Variants in ZNF185 observed in about 807,000 individuals in gnomAD.
The protein encoded by ZNF185 is zinc finger protein 185 with LIM domain, also known as zinc finger protein 185.
Under a neutral mutation model 58.6 loss-of-function variants are expected in ZNF185, and 56 were observed. The observed-to-expected ratio is 0.95, with a 90% confidence interval of 0.77 to 1.19. The LOEUF is 1.19. Ranked by LOEUF, ZNF185 falls within the 50% of genes most tolerant of loss-of-function variation. The pLI is 0.00. For synonymous variants in ZNF185, 230 were observed against 215.9 expected (o/e 1.07, Z -0.57); for missense variants, 627 against 573.5 (o/e 1.09, Z -0.95).
chrX:152,929,541 C>T (rs1457798272), intron 12 of ZNF185, among the ~76,000 whole-genome samples: 4 of 111,328 alleles, frequency 3.6e-5, no homozygotes, highest in African/African-American at 6.5e-5. Flanking sequence ...GAGTCCTGAG[C>T]GATCTCTAGG....
chrX:152,964,961 GA>G (rs1459811868), intron 18 of ZNF185, among the ~76,000 whole-genome samples: 2 of 111,849 alleles, frequency 1.8e-5, no homozygotes, highest in Admixed American at 1.9e-4. Context: ...AGTGAGAATG[GA>G]GAGGTTAGAT....
At chrX:152,964,772 C>T (rs1470184062) in intron 18 of ZNF185, among the ~76,000 whole-genome samples, 5 of 107,346 alleles carry the variant, frequency 4.7e-5, no homozygotes, top group Admixed American at 1.0e-4. Flanking sequence ...GTGTTGGGGG[C>T]GGGAGGGGGG....
At chrX:152,943,580 G>A (rs1473508557) in intron 15 of ZNF185, among the ~76,000 whole-genome samples, 10 of 112,617 alleles carry the variant, frequency 8.9e-5, no homozygotes, top group Non-Finnish European at 1.9e-4. Context: ...TCCTGTGAGT[G>A]TTTGCCTAAG....
At position 152,945,588 on chromosome X, in the gene ZNF185, C is replaced by T. The variant is rs1287315781; in HGVS notation, c.1409+124C>T. 38 of 799,591 alleles carry T rather than the reference C, an allele frequency of 4.8e-5. No homozygotes were observed. The Admixed American group carries it at 1.3e-3, about 28-fold the overall frequency. 65.9% of individuals were successfully genotyped at this position (799,591 alleles called of 1,213,427 possible). A position where few individuals can be genotyped will look rare whatever the true frequency, so the allele number is the denominator to read the frequency against. ...ACCCGACACATTGCACACCCAGGCTCCTGTTCTGTGAGTGGGTCATGGTGA... is the reference window on the plus strand; with the variant it reads ...ACCCGACACATTGCACACCCAGGCTTCTGTTCTGTGAGTGGGTCATGGTGA... On this transcript the variant is annotated intron_variant, in intron 16 of 22. Transcript: ENST00000449285.
At position 152,965,605 on chromosome X, in the gene ZNF185, C is replaced by T. The variant is rs1364481882; in HGVS notation, c.1799+78C>T. The stretch of plus-strand genomic sequence containing the variant: ...TATTCTCATCCCTGCATTTCCAGTT[C>T]CTTGTCCAGGACTTGGCTCAGAGTA... On this transcript the variant is annotated intron_variant, in intron 19 of 22. Transcript: ENST00000449285. 8.7e-6 allele frequency: 8 copies of T among 914,350 alleles called. No individual in the cohort carries two copies. The African/African-American group carries it at 1.2e-4, about 14-fold the overall frequency. 75.4% of individuals were successfully genotyped at this position (914,350 alleles called of 1,213,427 possible).
chrX:152,931,919 T>G, intron 13 of ZNF185, 143 bp downstream of exon 14: 1 of 382,534 alleles, frequency 2.6e-6, no homozygotes, highest in Non-Finnish European at 4.4e-6. Context: ...GTTCCCCCAG[T>G]ACCTGGGGTA....
chrX:152,950,773 T>G (rs1556899336), intron 16 of ZNF185, among the ~76,000 whole-genome samples: 1 of 111,620 alleles, frequency 9.0e-6, no homozygotes, highest in Non-Finnish European at 1.9e-5. Context: ...ATGTTAAGAG[T>G]TGTCAGGAGT....
chrX:152,930,272 C>T (rs1941702273), intron 12 of ZNF185, among the ~76,000 whole-genome samples: 1 of 111,817 alleles, frequency 8.9e-6, no homozygotes, highest in Non-Finnish European at 1.9e-5. Context: ...ACTCATTTGA[C>T]GAGTTTATTC....
intron 12 of ZNF185, 134 bp from the exon 14 acceptor site, chrX:152,931,538 G>C: frequency 2.0e-6 from 1 of 490,831 alleles, no homozygotes; most frequent in Non-Finnish European, 3.3e-6. Flanking sequence ...GGTTATAGGC[G>C]TGAGCCACTG....
chrX:152,941,742 G>A, intron 15 of ZNF185: 3 of 1,165,064 alleles, frequency 2.6e-6, no homozygotes, highest in South Asian at 1.9e-5. Context: ...CCTCGGCGGG[G>A]ATTCTCTTGA....
intron 20 of ZNF185, among the ~76,000 whole-genome samples, chrX:152,968,410 G>A (rs1556916302): frequency 2.7e-5 from 3 of 112,853 alleles, no homozygotes; most frequent in Non-Finnish European, 1.9e-5. Flanking sequence ...GAGGAAGGAA[G>A]GGGACTCTCT....
intron 4 of ZNF185, 45 bp from the exon 6 acceptor site, chrX:152,917,240 A>G (rs368160901): frequency 8.4e-5 from 102 of 1,209,149 alleles, no homozygotes; most frequent in Admixed American, 1.5e-4. Context: ...TTACCCCTCC[A>G]GTCCCTCCAG....
chrX:152,898,384 C>G, the ZNF185 span, among the ~76,000 whole-genome samples: 1 of 112,723 alleles, frequency 8.9e-6, no homozygotes, highest in African/African-American at 3.2e-5. Flanking sequence ...TCGGGTTCCC[C>G]CCGGGAGTCA....
At chrX:152,900,341 T>C in the ZNF185 span, among the ~76,000 whole-genome samples, 1 of 113,109 alleles carries the variant, frequency 8.8e-6, no homozygotes, top group Non-Finnish European at 1.9e-5. Flanking sequence ...CCTCCTTCCC[T>C]ACTCAAGCTT....
intron 17 of ZNF185, among the ~76,000 whole-genome samples, chrX:152,961,638 T>C (rs1441974731): frequency 8.9e-6 from 1 of 112,291 alleles, no homozygotes; most frequent in Admixed American, 9.4e-5. Flanking sequence ...GTGAACACGA[T>C]GGCTAAGGCC....
chrX:152,972,529 A>T (rs2050712757), exon 23 of ZNF185: 1 of 110,256 alleles, frequency 9.1e-6, no homozygotes, highest in African/African-American at 3.3e-5. Context: ...CTCCAAACTG[A>T]GATGCTTTCA....
At chrX:152,939,374 G>C (rs1483712068) in intron 15 of ZNF185, among the ~76,000 whole-genome samples, 2 of 112,129 alleles carry the variant, frequency 1.8e-5, no homozygotes, top group Non-Finnish European at 3.8e-5. Flanking sequence ...CAACTTGTGA[G>C]ATGGGTAAGG....
rs781962399 is a variant in ZNF185 at position 152,963,891 on chromosome X, G to A, written c.1660G>A (p.Glu554Lys). The A allele has an allele frequency of 4.1e-6, 5 of 1,211,561 alleles. No homozygotes were observed. In the East Asian group the frequency reaches 1.2e-4, roughly 29 times the overall value. ...CACTGTTACTGTCACTGCCACATCT[G>A]AGCAGCCTCACATTTATATTCCAGC... Residue 554 changes from glutamate to lysine, a missense_variant, in exon 18 of 23, where the codon GAG (glutamate) becomes AAG (lysine). By Grantham distance (56) the Glu-to-Lys change is moderately conservative. Coordinates refer to ENST00000449285, the Ensembl canonical transcript of ZNF185.
At position 152,920,600 on chromosome X, in the gene ZNF185, G is replaced by A. The variant is rs1280198168; in HGVS notation, c.615-107G>A. ...TCTGGCGGCTACCACCAGGGACAGT[G>A]AAGTGCCGGGAATGGAGAGGGCCCA... On this transcript the variant is annotated intron_variant, in intron 8 of 22. Coordinates refer to ENST00000449285, the Ensembl canonical transcript of ZNF185. 3.8e-6 allele frequency: 4 copies of A among 1,057,942 alleles called. No homozygotes were observed. The South Asian group carries it at 7.8e-5, about 21-fold the overall frequency. The allele number at this position is 1,057,942 out of a possible 1,213,427, so 87.2% of individuals were successfully genotyped here.
Sources: gnomAD v4.1 joint callset for allele counts (sites outside exome capture counted in the v4.1 genomes callset) on GRCh38, gnomAD v4.1.1 for gene constraint, MANE v1.5 for transcripts, NCBI Gene and HGNC (gene_info 2026-07-23, HGNC 2026-07-21) for gene names.